Variants in THADA observed in about 807,000 individuals in gnomAD.
THADA encodes tRNA (32-2'-O)-methyltransferase regulator THADA.
Under a neutral mutation model 219.8 loss-of-function variants are expected in THADA, and 213 were observed. The ratio of observed to expected loss-of-function variants is 0.97; its 90% CI spans 0.87 to 1.09. The LOEUF (loss-of-function observed/expected upper bound fraction) is 1.09. Among genes scored for constraint, THADA ranks in the 50% least tolerant of loss-of-function variants. The pLI is 0.00. For missense variants in THADA, 2,956 were observed against 2,311.3 expected (o/e 1.28, Z -5.72); for synonymous variants, 1,018 against 828.9 (o/e 1.23, Z -3.92).
intron 15 of THADA, among the ~76,000 whole-genome samples, chr2:43,560,892 C>G (rs570204419): frequency 6.6e-6 from 1 of 152,096 alleles, no homozygotes; most frequent in South Asian, 2.1e-4. Context: ...TGGCACACGA[C>G]TGTAATCCCA....
At chr2:43,346,041 G>C (rs137982537) in intron 29 of THADA, among the ~76,000 whole-genome samples, 38 of 152,230 alleles carry the variant, frequency 2.5e-4, no homozygotes, top group Middle Eastern at 3.4e-3. Flanking sequence ...ACCAGGAATG[G>C]AGAGCGATCT....
chr2:43,583,425 C>T (rs73925552), intron 7 of THADA, among the ~76,000 whole-genome samples: 23,357 of 152,190 alleles, frequency 0.15, 2,193 homozygotes, highest in African/African-American at 0.26. Context: ...TGGTCTCTCG[C>T]AGCTTCTGTC....
chr2:43,560,734 T>C (rs1447997512), intron 15 of THADA, among the ~76,000 whole-genome samples: 2 of 152,070 alleles, frequency 1.3e-5, no homozygotes, highest in Non-Finnish European at 2.9e-5. Context: ...TACAAAGTTC[T>C]GGCCAGGCTC....
chr2:43,447,987 A>AG lies in THADA; in HGVS notation c.3837-17686dup, dbSNP rs1681797564. The stretch of plus-strand genomic sequence containing the variant: ...TGTTATCCGATTTTTGACAGCACTA[A>AG]GGGGGAAAGAATAAACATAACTAGT... On this transcript the variant is annotated intron_variant, in intron 26 of 37. Coordinates refer to ENST00000405975, the MANE Select transcript of THADA (RefSeq NM_022065.5). Among the ~76,000 whole-genome samples, 9 of 152,284 alleles carry AG rather than the reference A, an allele frequency of 5.9e-5. 1 individual carries two copies. The South Asian group carries it at 1.9e-3, about 32-fold the overall frequency.
At chr2:43,283,383 C>T (rs946610835) in intron 35 of THADA, among the ~76,000 whole-genome samples, 30 of 152,072 alleles carry the variant, frequency 2.0e-4, no homozygotes, top group African/African-American at 5.6e-4. Flanking sequence ...ACTTTGGAAC[C>T]GGGTAATGGG....
intron 22 of THADA, among the ~76,000 whole-genome samples, chr2:43,515,069 ATATATAATATATATAAATAT>A (rs1691245136): frequency 3.4e-5 from 1 of 29,146 alleles, no homozygotes; most frequent in African/African-American, 1.2e-4. Flanking sequence ...AATATATTTT[ATATATAATATATATAAATAT>A]ATATATTATA....
intron 29 of THADA, among the ~76,000 whole-genome samples, chr2:43,374,088 A>C (rs567167339): frequency 5.9e-5 from 9 of 152,230 alleles, no homozygotes; most frequent in Non-Finnish European, 1.2e-4. Flanking sequence ...TTTTGGAATT[A>C]CACTATCAAG....
chr2:43,291,742 C>T lies in THADA; in HGVS notation c.4964G>A (p.Arg1655Lys), dbSNP rs1674753019. Residue 1655 changes from arginine (R) to lysine (K), a missense_variant, in exon 34 of 38, where the codon AGA becomes AAA. Physicochemically the swap from Arg to Lys is conservative, Grantham distance 26. Coordinates refer to ENST00000405975, the MANE Select transcript of THADA (RefSeq NM_022065.5). ...ERSEIQSVAL[R>K]LASKVISHHM... ...GTGGGAAATGACTTTGGAAGCAAGTCTCAGAGCTACACTCTGAATTTCAGA... is the reference window on the plus strand; with the variant it reads ...GTGGGAAATGACTTTGGAAGCAAGTTTCAGAGCTACACTCTGAATTTCAGA... 3.2e-6 allele frequency: 5 copies of T among 1,554,668 alleles called. No homozygotes were observed. Among genetic ancestry groups the T allele is most frequent in the South Asian group, 1.2e-5 (1 of 84,032 alleles).
chr2:43,559,628 A>C (rs1697817952), intron 16 of THADA, among the ~76,000 whole-genome samples: 1 of 152,154 alleles, frequency 6.6e-6, no homozygotes, highest in Admixed American at 6.5e-5. Flanking sequence ...ATCCCCACAC[A>C]ATGTGTTCAC....
At chr2:43,431,195 A>G (rs1335474130) in intron 26 of THADA, among the ~76,000 whole-genome samples, 1 of 152,192 alleles carries the variant, frequency 6.6e-6, no homozygotes, top group Non-Finnish European at 1.5e-5. Context: ...GTTCCTATTA[A>G]TTGAAATCCA....
intron 26 of THADA, chr2:43,484,372 G>A (rs1049053322): frequency 6.5e-5 from 11 of 168,994 alleles, no homozygotes; most frequent in African/African-American, 2.4e-4. Context: ...GAAGCATAAT[G>A]ACTTTTTTAG....
At chr2:43,273,607 T>G (rs1290501970) in intron 36 of THADA, among the ~76,000 whole-genome samples, 1 of 152,088 alleles carries the variant, frequency 6.6e-6, no homozygotes, top group Non-Finnish European at 1.5e-5. Flanking sequence ...TGGCAGGAAC[T>G]GAAAAAAGCA....
At chr2:43,494,315 T>C (rs927184838) in intron 25 of THADA, among the ~76,000 whole-genome samples, 5 of 152,224 alleles carry the variant, frequency 3.3e-5, no homozygotes, top group Admixed American at 2.0e-4. Flanking sequence ...TCATTCATCT[T>C]TCCTTGCCTC....
intron 19 of THADA, among the ~76,000 whole-genome samples, chr2:43,551,398 A>C (rs148430716): frequency 3.4e-4 from 52 of 152,234 alleles, no homozygotes; most frequent in African/African-American, 1.3e-3. Context: ...AGGAGCCCTA[A>C]TCTGAAAATC....
chr2:43,446,803 T>C lies in THADA; in HGVS notation c.3837-16501A>G, dbSNP rs531703651. ...ATGCTGATAACAAGGAGCACACGAT[T>C]TACCTTTACTATATTGATTCTCTCA... On this transcript the variant is annotated intron_variant, in intron 26 of 37. Coordinates refer to ENST00000405975, the MANE Select transcript of THADA (RefSeq NM_022065.5). Among the ~76,000 whole-genome samples the C allele has an allele frequency of 4.6e-5, 7 of 152,318 alleles. No individual in the cohort carries two copies. In the South Asian group the frequency reaches 1.2e-3, roughly 27 times the overall value.
At chr2:43,511,710 A>G (rs1030433572) in intron 22 of THADA, among the ~76,000 whole-genome samples, 2 of 152,100 alleles carry the variant, frequency 1.3e-5, no homozygotes, top group African/African-American at 2.4e-5. Context: ...ACATATCCCT[A>G]TTCATCCAAA....
chr2:43,471,700 T>G (rs1242721668), intron 26 of THADA, among the ~76,000 whole-genome samples: 3 of 152,226 alleles, frequency 2.0e-5, no homozygotes, highest in African/African-American at 7.2e-5. Context: ...AAACACTTAC[T>G]TGAGTTATAC....
At chr2:43,511,939 A>G (rs889227730) in intron 22 of THADA, among the ~76,000 whole-genome samples, 12 of 152,196 alleles carry the variant, frequency 7.9e-5, no homozygotes, top group Non-Finnish European at 1.6e-4. Context: ...ATGACTGGGG[A>G]AAGAGCTAGG....
chr2:43,583,022 A>G (rs1442813552), intron 7 of THADA, among the ~76,000 whole-genome samples: 2 of 151,986 alleles, frequency 1.3e-5, no homozygotes, highest in East Asian at 1.9e-4. Context: ...TCTTTTCTCC[A>G]TCTAATTCTC....
Sources: gnomAD v4.1 joint callset for allele counts (sites outside exome capture counted in the v4.1 genomes callset) on GRCh38, gnomAD v4.1.1 for gene constraint, MANE v1.5 for transcripts, NCBI Gene and HGNC (gene_info 2026-07-23, HGNC 2026-07-21) for gene names.